The following SLC49A4 variants were observed in gnomAD, a reference collection of about 807,000 sequenced individuals.
SLC49A4 encodes disrupted in renal cancer protein 2.
SLC49A4 carries 36 observed loss-of-function variants against 50.6 expected under a neutral mutation model. That is an observed-to-expected ratio of 0.71 (90% CI 0.55 to 0.94). SLC49A4 has a LOEUF of 0.94. Ranked by LOEUF, SLC49A4 falls within the 40% of genes least tolerant of loss-of-function variation. The pLI is 0.00. For missense variants in SLC49A4, 503 were observed against 605.7 expected (o/e 0.83, Z 1.78); for synonymous variants, 248 against 241.2 (o/e 1.03, Z -0.26).
At chr3:122,877,634 C>G (rs1560247144) in intron 8 of SLC49A4, among the ~76,000 whole-genome samples, 2 of 152,098 alleles carry the variant, frequency 1.3e-5, no homozygotes, top group African/African-American at 4.8e-5. Flanking sequence ...AATTACCATA[C>G]TTTTTTTTAT....
intron 2 of SLC49A4, among the ~76,000 whole-genome samples, chr3:122,810,688 A>G (rs540818712): frequency 1.7e-4 from 26 of 152,330 alleles, no homozygotes; most frequent in South Asian, 8.3e-4. Context: ...GTTCGGTGTA[A>G]TTTTCATTAA....
intron 8 of SLC49A4, among the ~76,000 whole-genome samples, chr3:122,873,388 C>T (rs1937219933): frequency 6.6e-6 from 1 of 152,034 alleles, no homozygotes; most frequent in Admixed American, 6.6e-5. Flanking sequence ...CTGTGTTGGC[C>T]AGGCTGGTCT....
chr3:122,841,003 C>T (rs1936762563), intron 4 of SLC49A4, among the ~76,000 whole-genome samples: 1 of 152,160 alleles, frequency 6.6e-6, no homozygotes, highest in Non-Finnish European at 1.5e-5. Context: ...CCTTTACCAT[C>T]TCTTGATCTA....
chr3:122,795,105 C>T lies in SLC49A4; in HGVS notation c.-88C>T. ...CGAGGGCGACCACAGCAGCCTCCGCCTCCTGCTGCTCAGGACTATTCTGCG... is the reference window on the plus strand; with the variant it reads ...CGAGGGCGACCACAGCAGCCTCCGCTTCCTGCTGCTCAGGACTATTCTGCG... On this transcript the variant is annotated 5_prime_UTR_variant, in exon 1 of 9. Coordinates refer to ENST00000261038, the MANE Select transcript of SLC49A4 (RefSeq NM_032839.3). The T allele has an allele frequency of 8.2e-7, 1 of 1,224,736 alleles. No homozygotes were observed. Among genetic ancestry groups the T allele is most frequent in the Non-Finnish European group, 1.0e-6 (1 of 982,290 alleles). The allele number at this position is 1,224,736 out of a possible 1,614,324, so 75.9% of individuals were successfully genotyped here.
At chr3:122,824,730 C>CTTTTTTTTT (rs71621693) in intron 2 of SLC49A4, among the ~76,000 whole-genome samples, 1 of 82,918 alleles carries the variant, frequency 1.2e-5, no homozygotes, top group Non-Finnish European at 2.4e-5. Context: ...TTTTTTCCTT[C>CTTTTTTTTT]TTTTTTTTTT....
intron 7 of SLC49A4, among the ~76,000 whole-genome samples, chr3:122,866,208 T>G (rs1462173063): frequency 2.0e-5 from 3 of 150,504 alleles, no homozygotes; most frequent in Admixed American, 2.0e-4. Context: ...TTCGTTGTTT[T>G]TTTTTTTTTT....
chr3:122,837,328 T>G (rs1936702100), intron 4 of SLC49A4, among the ~76,000 whole-genome samples: 1 of 152,118 alleles, frequency 6.6e-6, no homozygotes, highest in Admixed American at 6.5e-5. Flanking sequence ...AAGGCTACAG[T>G]AACCAAAACA....
intron 1 of SLC49A4, among the ~76,000 whole-genome samples, chr3:122,804,496 T>C (rs1399121039): frequency 2.0e-5 from 3 of 152,202 alleles, no homozygotes. Flanking sequence ...TTTGATTACA[T>C]GGAATTATAG....
At chr3:122,798,069 T>A (rs941260462) in intron 1 of SLC49A4, among the ~76,000 whole-genome samples, 2 of 152,222 alleles carry the variant, frequency 1.3e-5, no homozygotes, top group Non-Finnish European at 2.9e-5. Flanking sequence ...AAGATTGTAT[T>A]TGTTTCCACT....
chr3:122,795,147 T>G lies in SLC49A4; in HGVS notation c.-46T>G. ...TATTCTGCGCTGGGCTAGTCGGCGG[T>G]GACCCGGACTGCGCCCGGCAGTGGC... is the stretch of plus-strand genomic sequence containing the variant. On this transcript the variant is annotated 5_prime_UTR_variant, in exon 1 of 9. Coordinates refer to ENST00000261038, the MANE Select transcript of SLC49A4 (RefSeq NM_032839.3). 1.5e-6 allele frequency: 2 copies of G among 1,302,574 alleles called. No homozygotes were observed. The highest frequency in any genetic ancestry group is 1.9e-6 in the Non-Finnish European group (2 of 1,034,084). The allele number at this position is 1,302,574 out of a possible 1,614,324, so 80.7% of individuals were successfully genotyped here.
chr3:122,872,669 GT>G, intron 8 of SLC49A4, 72 bp downstream of exon 8: 2 of 1,079,754 alleles, frequency 1.9e-6, no homozygotes, highest in Non-Finnish European at 2.6e-6. Context: ...GTGTATAGAA[GT>G]TTTTATATGG....
At chr3:122,831,792 G>A (rs974425633) in intron 3 of SLC49A4, among the ~76,000 whole-genome samples, 2 of 152,110 alleles carry the variant, frequency 1.3e-5, no homozygotes, top group South Asian at 2.1e-4. Context: ...AAAAATGCCA[G>A]TAGATGGTCA....
intron 4 of SLC49A4, among the ~76,000 whole-genome samples, chr3:122,844,447 A>C (rs1161747881): frequency 6.6e-6 from 1 of 152,170 alleles, no homozygotes; most frequent in Admixed American, 6.5e-5. Flanking sequence ...TGAGAATTTT[A>C]AACAATATGA....
intron 7 of SLC49A4, among the ~76,000 whole-genome samples, chr3:122,864,401 CCT>C (rs1230047860): frequency 2.6e-5 from 4 of 152,178 alleles, no homozygotes; most frequent in Non-Finnish European, 2.9e-5. Flanking sequence ...GTCTAGCAGC[CCT>C]GTTAGCCACA....
At chr3:122,856,282 A>G (rs1461186532) in intron 5 of SLC49A4, 25 bp from the exon 6 acceptor site, 3 of 1,612,392 alleles carry the variant, frequency 1.9e-6, no homozygotes. Flanking sequence ...TCTTGTATTA[A>G]ATGTGTCTGC....
At chr3:122,824,637 CTTTT>C (rs1936499621) in intron 2 of SLC49A4, among the ~76,000 whole-genome samples, 1 of 148,164 alleles carries the variant, frequency 6.7e-6, no homozygotes, top group Non-Finnish European at 1.5e-5. Flanking sequence ...TTCTTTCTTT[CTTTT>C]TCCTTCCCTC....
At position 122,855,042 on chromosome 3, in the gene SLC49A4, G is replaced by A. The variant is rs550664660; in HGVS notation, c.943-1265G>A. ...CGGGAGGCGGAGCTTACAGTGAGCCGAGATCGTGCCACTGCACTCCAGCCT... is the reference window on the plus strand; with the variant it reads ...CGGGAGGCGGAGCTTACAGTGAGCCAAGATCGTGCCACTGCACTCCAGCCT... On this transcript the variant is annotated intron_variant, in intron 5 of 8. Transcript: ENST00000261038. Among the ~76,000 whole-genome samples, 15 of 151,768 alleles carry A rather than the reference G, an allele frequency of 9.9e-5. No homozygotes were observed. The South Asian group carries it at 2.7e-3, about 27-fold the overall frequency.
At chr3:122,872,346 C>T in intron 7 of SLC49A4, 69 bp from the exon 8 acceptor site, 2 of 1,317,596 alleles carry the variant, frequency 1.5e-6, no homozygotes, top group Non-Finnish European at 2.1e-6. Flanking sequence ...AAGAGAACAC[C>T]CCGAAGATCT....
At chr3:122,843,234 C>T (rs570788900) in intron 4 of SLC49A4, among the ~76,000 whole-genome samples, 1 of 151,654 alleles carries the variant, frequency 6.6e-6, no homozygotes, top group South Asian at 2.1e-4. Flanking sequence ...TTTAACTTTT[C>T]ATTTGGGAAT....
Sources: allele counts gnomAD v4.1 joint callset (sites outside exome capture counted in the v4.1 genomes callset), GRCh38; gene constraint gnomAD v4.1.1; transcripts MANE v1.5; gene names NCBI Gene and HGNC (gene_info 2026-07-23, HGNC 2026-07-21).